Variants in CEP112 observed in about 807,000 individuals in gnomAD.
The protein encoded by CEP112 is centrosomal protein of 112 kDa.
CEP112 carries 127 observed loss-of-function variants against 153.0 expected under a neutral mutation model. The ratio of observed to expected loss-of-function variants is 0.83; its 90% CI spans 0.72 to 0.96. The LOEUF is 0.96. CEP112 is among the 40% of genes least tolerant of loss of function. The pLI is 0.00. For missense variants in CEP112, 1,089 were observed against 1,101.2 expected (o/e 0.99, Z 0.16); for synonymous variants, 358 against 374.4 (o/e 0.96, Z 0.51).
At chr17:66,145,354 T>C (rs548779322) in intron 4 of CEP112, among the ~76,000 whole-genome samples, 5 of 152,278 alleles carry the variant, frequency 3.3e-5, no homozygotes, top group African/African-American at 1.2e-4. Context: ...ATTTTCCAAA[T>C]GGTGCCTTTT....
chr17:65,721,229 C>G (rs1448277561), intron 23 of CEP112, among the ~76,000 whole-genome samples: 1 of 152,134 alleles, frequency 6.6e-6, no homozygotes, highest in Non-Finnish European at 1.5e-5. Flanking sequence ...CCAGGATGGT[C>G]TCGATCTCCT....
chr17:65,807,382 C>A (rs1467589740), intron 21 of CEP112, among the ~76,000 whole-genome samples: 2 of 152,064 alleles, frequency 1.3e-5, no homozygotes, highest in Non-Finnish European at 2.9e-5. Flanking sequence ...GCAGCCTGAC[C>A]ATGTGGTAGA....
intron 20 of CEP112, among the ~76,000 whole-genome samples, chr17:65,865,834 C>T (rs1354619148): frequency 6.6e-6 from 1 of 152,172 alleles, no homozygotes; most frequent in African/African-American, 2.4e-5. Context: ...GGGGTCCGGC[C>T]GCGTCACCTG....
At chr17:65,929,975 G>A (rs1329555323) in intron 18 of CEP112, among the ~76,000 whole-genome samples, 2 of 152,144 alleles carry the variant, frequency 1.3e-5, no homozygotes, top group African/African-American at 4.8e-5. Context: ...ACATGAAAAT[G>A]GTGCCTTTTA....
At chr17:65,834,459 A>G (rs947025386) in intron 21 of CEP112, among the ~76,000 whole-genome samples, 1 of 152,218 alleles carries the variant, frequency 6.6e-6, no homozygotes, top group African/African-American at 2.4e-5. Context: ...GCATGTAACA[A>G]AGGTCTAATA....
intron 21 of CEP112, among the ~76,000 whole-genome samples, chr17:65,784,122 C>T (rs761022638): frequency 5.9e-5 from 9 of 152,048 alleles, no homozygotes; most frequent in Admixed American, 2.0e-4. Flanking sequence ...GTTCTTTATG[C>T]GTGAGAAAAT....
intron 17 of CEP112, among the ~76,000 whole-genome samples, chr17:65,992,181 G>A (rs2063618262): frequency 6.6e-6 from 1 of 151,986 alleles, no homozygotes; most frequent in African/African-American, 2.4e-5. Context: ...GTATCTTTAA[G>A]GTATTCCTAT....
rs181653965 is a variant in CEP112 at position 66,023,411 on chromosome 17, C to T, written c.1656+4090G>A. Among the ~76,000 whole-genome samples, 133 of 152,186 alleles carry T rather than the reference C, an allele frequency of 8.7e-4. 3 individuals carry two copies. The South Asian group carries it at 8.9e-3, about 10-fold the overall frequency. On this transcript the variant is annotated intron_variant, in intron 16 of 26. Coordinates refer to ENST00000535342, the MANE Select transcript of CEP112 (RefSeq NM_001199165.4). ...TTCCAAACCAGAAGAGATTGGGATC[C>T]GATCTTCAGAGTGCTTAAAAAGAAA...
At chr17:65,758,487 C>T (rs1343716565) in intron 21 of CEP112, among the ~76,000 whole-genome samples, 2 of 152,112 alleles carry the variant, frequency 1.3e-5, no homozygotes, top group African/African-American at 4.8e-5. Context: ...TTGCATTATG[C>T]CTCAATTTTT....
intron 17 of CEP112, among the ~76,000 whole-genome samples, chr17:65,970,628 C>CATATTACATGCATGCACGCATGT (rs1474566568): frequency 2.6e-4 from 40 of 151,886 alleles, no homozygotes; most frequent in Non-Finnish European, 4.1e-4. Context: ...GGAATGGAAG[C>CATATTACATGCATGCACGCATGT]ATATTACATG....
chr17:66,071,470 A>G (rs1481717556), intron 8 of CEP112, among the ~76,000 whole-genome samples: 2 of 152,132 alleles, frequency 1.3e-5, no homozygotes, highest in Admixed American at 1.3e-4. Context: ...GACATGATTC[A>G]TTGCCAGATC....
chr17:65,979,805 GCCA>G (rs1269839268), intron 17 of CEP112, among the ~76,000 whole-genome samples: 3 of 151,910 alleles, frequency 2.0e-5, no homozygotes, highest in Admixed American at 1.3e-4. Context: ...TCACATCATA[GCCA>G]CAACCTGCAA....
chr17:65,785,781 A>C (rs1025194971), intron 21 of CEP112, among the ~76,000 whole-genome samples: 1 of 152,050 alleles, frequency 6.6e-6, no homozygotes, highest in African/African-American at 2.4e-5. Flanking sequence ...TTTTTCTAAA[A>C]GTTTTATAGT....
chr17:66,164,810 G>A (rs1471577241), intron 4 of CEP112, among the ~76,000 whole-genome samples: 3 of 151,534 alleles, frequency 2.0e-5, no homozygotes, highest in African/African-American at 4.9e-5. Context: ...AGCCGAGATC[G>A]TGCCATTGCA....
chr17:65,711,479 C>T (rs770854746), intron 23 of CEP112, among the ~76,000 whole-genome samples: 4 of 152,150 alleles, frequency 2.6e-5, no homozygotes, highest in Non-Finnish European at 5.9e-5. Context: ...ATGTTAGTTG[C>T]TATTTTATCA....
intron 18 of CEP112, among the ~76,000 whole-genome samples, chr17:65,941,767 G>GT (rs996965918): frequency 3.6e-5 from 5 of 137,316 alleles, no homozygotes; most frequent in East Asian, 3.0e-4. Flanking sequence ...AGTGTGTTAG[G>GT]TTTTTTTTTG....
intron 20 of CEP112, among the ~76,000 whole-genome samples, chr17:65,858,819 G>T (rs2058208626): frequency 6.6e-6 from 1 of 152,112 alleles, no homozygotes; most frequent in African/African-American, 2.4e-5. Context: ...TAATTTAAAT[G>T]TTATGAACTT....
At chr17:65,719,794 A>C (rs1418150946) in intron 23 of CEP112, among the ~76,000 whole-genome samples, 10 of 152,220 alleles carry the variant, frequency 6.6e-5, no homozygotes, top group Admixed American at 6.5e-4. Context: ...AGAGGGTGTG[A>C]GCAGCAGGAA....
At chr17:65,695,832 A>G (rs1245435335) in intron 23 of CEP112, among the ~76,000 whole-genome samples, 1 of 152,182 alleles carries the variant, frequency 6.6e-6, no homozygotes, top group Non-Finnish European at 1.5e-5. Flanking sequence ...CAGCAACCCA[A>G]GAGCTGCTAC....
Sources: gnomAD v4.1 joint callset for allele counts (sites outside exome capture counted in the v4.1 genomes callset) on GRCh38, gnomAD v4.1.1 for gene constraint, MANE v1.5 for transcripts, NCBI Gene and HGNC (gene_info 2026-07-23, HGNC 2026-07-21) for gene names.